Variants in SHOX observed in about 807,000 individuals in gnomAD.
The protein encoded by SHOX is short stature homeobox protein.
Under a neutral mutation model 29.6 loss-of-function variants are expected in SHOX, and 12 were observed. That is an observed-to-expected ratio of 0.41 (90% CI 0.26 to 0.66). SHOX has a LOEUF of 0.66. Ranked by LOEUF, SHOX falls within the 30% of genes least tolerant of loss-of-function variation. The probability of loss-of-function intolerance (pLI) is 0.35; values close to 1 mark genes in which losing one functional copy is unlikely to be tolerated. For missense variants in SHOX, 499 were observed against 437.7 expected (o/e 1.14, Z -1.25); for synonymous variants, 214 against 200.6 (o/e 1.07, Z -0.57).
At chrX:658,801 G>A in exon 6 of SHOX, 1 of 369,762 alleles carries the variant, frequency 2.7e-6, no homozygotes, top group South Asian at 1.9e-5. Flanking sequence ...TTTTGCTCTT[G>A]TCGCCCGGGC....
At chrX:626,190 G>T (rs1164888317), upstream of SHOX, among the ~76,000 whole-genome samples, 3 of 96,670 alleles carry the variant, frequency 3.1e-5, no homozygotes, top group East Asian at 5.9e-4. Flanking sequence ...CTCTGTCTTC[G>T]TTCCTCTCTC....
downstream of SHOX, among the ~76,000 whole-genome samples, chrX:651,675 C>T (rs2053067085): frequency 6.7e-6 from 1 of 150,204 alleles, no homozygotes; most frequent in Non-Finnish European, 1.5e-5. Context: ...CCTGAGTCGG[C>T]CGTGGCTGAA....
intron 1 of SHOX, chrX:624,653 C>G (rs2052468472): frequency 6.6e-6 from 1 of 151,824 alleles, no homozygotes; most frequent in Non-Finnish European, 1.5e-5. Context: ...GCTTTGCCTT[C>G]TTTCCTTTCT....
At chrX:624,912 T>C (rs866869583) in intron 1 of SHOX, among the ~76,000 whole-genome samples, 4 of 90,498 alleles carry the variant, frequency 4.4e-5, no homozygotes, top group Admixed American at 2.9e-4. Flanking sequence ...CTCTCTTCCT[T>C]TCTTTCTTTC....
intron 4 of SHOX, 106 bp downstream of exon 4, chrX:641,193 T>A: frequency 9.2e-7 from 1 of 1,088,398 alleles, no homozygotes; most frequent in South Asian, 1.3e-5. Flanking sequence ...TCCCTGCCCC[T>A]GCAGACTTCT....
chrX:636,970 A>ATATATATATATATATATATATAT lies in SHOX; in HGVS notation c.486+2145_486+2146insATATATATATATATATATATATT, dbSNP rs1458275715. Among the ~76,000 whole-genome samples the ATATATATATATATATATATATAT allele has an allele frequency of 2.1e-3, 287 of 137,164 alleles. 2 individuals carry two copies. Among genetic ancestry groups the ATATATATATATATATATATATAT allele is most frequent in the African/African-American group, 5.6e-3 (202 of 35,932 alleles). 90.0% of individuals were successfully genotyped at this position (137,164 alleles called of 152,430 possible). A position where few individuals can be genotyped will look rare whatever the true frequency, so the allele number is the denominator to read the frequency against. On this transcript the variant is annotated intron_variant, in intron 2 of 4. Transcript: ENST00000686671. ...AAAATATATATATATATATATATATATTTTGGCTCCTGATTCTCTTCCGTC... is the reference window on the plus strand; with the variant it reads ...AAAATATATATATATATATATATATATATATATATATATATATATATATTTTTGGCTCCTGATTCTCTTCCGTC...
chrX:642,728 G>A (rs2052877347), intron 4 of SHOX, among the ~76,000 whole-genome samples: 1 of 152,166 alleles, frequency 6.6e-6, no homozygotes, highest in African/African-American at 2.4e-5. Flanking sequence ...GGAAAAACTT[G>A]GGGACCTGGT....
At chrX:635,193 C>A (rs1459047625) in intron 2 of SHOX, among the ~76,000 whole-genome samples, 1 of 152,104 alleles carries the variant, frequency 6.6e-6, no homozygotes, top group East Asian at 1.9e-4. Context: ...TTCGGTTCCC[C>A]TGGGATTGGT....
Position 648,560 on chromosome X carries a change from C to G in SHOX, c.*3924C>G, listed in dbSNP as rs2052996969. On this transcript the variant is annotated 3_prime_UTR_variant, in exon 5 of 5. Transcript: ENST00000686671. ...TGAACTTTTAAAAGGGAGTTACTGACTCTCAACTGTGCGGGGACGGTTTCA... is the reference window on the plus strand; with the variant it reads ...TGAACTTTTAAAAGGGAGTTACTGAGTCTCAACTGTGCGGGGACGGTTTCA... Among the ~76,000 whole-genome samples, 1 of 152,208 alleles carries G rather than the reference C, an allele frequency of 6.6e-6. No homozygotes were observed.
At chrX:630,587 C>T (rs1360891873), upstream of SHOX, 24 of 515,734 alleles carry the variant, frequency 4.7e-5, no homozygotes, top group Non-Finnish European at 1.4e-5. Context: ...GGGATCTTTC[C>T]CCCTTCGCAC....
chrX:637,699 C>T (rs1261120691), intron 2 of SHOX, among the ~76,000 whole-genome samples: 2 of 152,114 alleles, frequency 1.3e-5, no homozygotes, highest in Admixed American at 6.5e-5. Context: ...CACCCACGTC[C>T]CGCGTTGAGG....
intron 5 of SHOX, among the ~76,000 whole-genome samples, chrX:657,711 T>G (rs2053166922): frequency 6.6e-6 from 1 of 152,196 alleles, no homozygotes; most frequent in Admixed American, 6.5e-5. Context: ...AAAGATGCCC[T>G]TCTCAGAAGC....
chrX:630,755 G>A (rs1471821398), upstream of SHOX: 3 of 1,067,112 alleles, frequency 2.8e-6, no homozygotes, highest in African/African-American at 1.6e-5. Context: ...GGGCGAGGTC[G>A]CCGCGTATAA....
chrX:644,312 A>C (rs3748527), intron 4 of SHOX, 79 bp from the exon 5 acceptor site: 2 of 1,432,452 alleles, frequency 1.4e-6, no homozygotes, highest in Admixed American at 2.7e-5. Context: ...GGCACGTTGG[A>C]GGTTTCCGGG....
At chrX:627,613 G>C (rs1287930778), upstream of SHOX, among the ~76,000 whole-genome samples, 5 of 152,180 alleles carry the variant, frequency 3.3e-5, no homozygotes, top group African/African-American at 1.2e-4. Flanking sequence ...TTACAATTGG[G>C]GCTTCAGTTG....
At chrX:641,554 TG>T (rs1479898973) in intron 4 of SHOX, among the ~76,000 whole-genome samples, 1 of 151,900 alleles carries the variant, frequency 6.6e-6, no homozygotes, top group African/African-American at 2.4e-5. Flanking sequence ...CCGGGCGTGG[TG>T]GTGCACACCT....
downstream of SHOX, among the ~76,000 whole-genome samples, chrX:653,620 T>G (rs1220566636): frequency 7.4e-6 from 1 of 134,256 alleles, no homozygotes; most frequent in Non-Finnish European, 1.6e-5. Flanking sequence ...CTTGACCACA[T>G]TTAAAAAAAA....
intron 1 of SHOX, among the ~76,000 whole-genome samples, chrX:632,147 G>T (rs1169572106): frequency 6.6e-6 from 1 of 152,252 alleles, no homozygotes; most frequent in Non-Finnish European, 1.5e-5. Flanking sequence ...CCGGGATCTG[G>T]ATGGGGCGCG....
chrX:637,082 G>A (rs1320959388), intron 2 of SHOX, among the ~76,000 whole-genome samples: 3 of 151,564 alleles, frequency 2.0e-5, no homozygotes. Flanking sequence ...GAGGGCTGTG[G>A]TCCCCAAAGC....
Sources: allele counts gnomAD v4.1 joint callset (sites outside exome capture counted in the v4.1 genomes callset), GRCh38; gene constraint gnomAD v4.1.1; transcripts MANE v1.5; gene names NCBI Gene and HGNC (gene_info 2026-07-23, HGNC 2026-07-21).